ABHD12: variants seen among roughly 807,000 people sequenced by gnomAD.
The protein encoded by ABHD12 is lysophosphatidylserine lipase ABHD12.
Under a neutral mutation model 58.3 loss-of-function variants are expected in ABHD12, and 43 were observed. That is an observed-to-expected ratio of 0.74 (90% CI 0.58 to 0.95). ABHD12 has a LOEUF of 0.95. Ranked by LOEUF, ABHD12 falls within the 40% of genes least tolerant of loss-of-function variation. The pLI is 0.00. For synonymous variants in ABHD12, 219 were observed against 211.2 expected (o/e 1.04, Z -0.32); for missense variants, 539 against 537.2 (o/e 1.00, Z -0.03).
Position 25,365,382 on chromosome 20 carries a change from A to AT in ABHD12, c.191+25130dup, listed in dbSNP as rs796400601. Among the ~76,000 whole-genome samples, 8 of 151,406 alleles carry AT rather than the reference A, an allele frequency of 5.3e-5. No homozygotes were observed. In the South Asian group the frequency reaches 6.3e-4, roughly 12 times the overall value. ...GTATTGTAAACTGTTTTACACCTTG[A>AT]TTTTTTTTTCTATCAACAAGATATC... On this transcript the variant is annotated intron_variant, in intron 1 of 12. Transcript: ENST00000339157.
At chr20:25,323,499 G>A in intron 2 of ABHD12, 69 bp from the exon 3 acceptor site, 1 of 977,252 alleles carries the variant, frequency 1.0e-6, no homozygotes, top group Non-Finnish European at 1.7e-6. Context: ...ACACAAACAT[G>A]CATACTCACA....
At chr20:25,295,587 C>A (rs2088528841), downstream of ABHD12, 2 of 1,612,564 alleles carry the variant, frequency 1.2e-6, no homozygotes, top group East Asian at 2.2e-5. Context: ...GGCCCAGCCT[C>A]CTTTCTCCCA....
chr20:25,323,867 G>A (rs961753856), intron 2 of ABHD12, among the ~76,000 whole-genome samples: 3 of 152,228 alleles, frequency 2.0e-5, no homozygotes, highest in African/African-American at 7.2e-5. Flanking sequence ...GCCTGGTGGA[G>A]TGGGAAGGAC....
At chr20:25,358,437 C>T (rs938368689) in intron 1 of ABHD12, among the ~76,000 whole-genome samples, 1 of 152,200 alleles carries the variant, frequency 6.6e-6, no homozygotes, top group South Asian at 2.1e-4. Context: ...TACCATTCCA[C>T]CAACTGTTGG....
At chr20:25,386,353 G>C (rs1304181876) in intron 1 of ABHD12, among the ~76,000 whole-genome samples, 2 of 150,058 alleles carry the variant, frequency 1.3e-5, no homozygotes. Flanking sequence ...CCACCTCCCG[G>C]ATTCATGCCA....
chr20:25,299,248 T>C (rs1262727020), downstream of ABHD12, among the ~76,000 whole-genome samples: 2 of 151,940 alleles, frequency 1.3e-5, no homozygotes, highest in East Asian at 3.9e-4. Flanking sequence ...CATACAAGAA[T>C]TAGCTGGGCG....
At chr20:25,386,427 T>G (rs1026166734) in intron 1 of ABHD12, among the ~76,000 whole-genome samples, 1 of 151,346 alleles carries the variant, frequency 6.6e-6, no homozygotes, top group African/African-American at 2.4e-5. Context: ...CCTGGCTAAT[T>G]TTTTTTGTAT....
intron 1 of ABHD12, chr20:25,368,243 T>C: frequency 6.8e-7 from 1 of 1,465,138 alleles, no homozygotes; most frequent in Non-Finnish European, 9.4e-7. Context: ...AGGAATGGTC[T>C]GGTGGTTAAG....
chr20:25,300,936 C>A (rs1463524735), intron 12 of ABHD12, 52 bp from the exon 13 acceptor site: 1 of 1,579,430 alleles, frequency 6.3e-7, no homozygotes, highest in Admixed American at 1.7e-5. Flanking sequence ...ACCAAAGATC[C>A]TTCTCCACAG....
chr20:25,351,823 C>T (rs962670746), intron 1 of ABHD12, among the ~76,000 whole-genome samples: 20 of 151,982 alleles, frequency 1.3e-4, no homozygotes, highest in Non-Finnish European at 2.1e-4. Context: ...ACTGCTTGAA[C>T]TCAGGGGGTG....
At chr20:25,315,855 G>C (rs1004789313) in intron 5 of ABHD12, among the ~76,000 whole-genome samples, 4 of 152,238 alleles carry the variant, frequency 2.6e-5, no homozygotes, top group African/African-American at 9.6e-5. Flanking sequence ...CCCTGCCTCT[G>C]TCTGTGTTCC....
chr20:25,356,410 T>G (rs1225120789), intron 1 of ABHD12, among the ~76,000 whole-genome samples: 1 of 152,248 alleles, frequency 6.6e-6, no homozygotes, highest in Non-Finnish European at 1.5e-5. Context: ...GCGCTGCTCT[T>G]GCACACTTTC....
rs2088678055 is a variant in ABHD12, at chr20:25,303,532, G to A, written c.1029+18C>T. Reference sequence around the variant, plus strand: ...GTGCAAGATGCCAGCTACACCAGAGGCAGAGGCCAGGACCCACCTTTCTGC... The same window carrying A: ...GTGCAAGATGCCAGCTACACCAGAGACAGAGGCCAGGACCCACCTTTCTGC... On this transcript the variant is annotated intron_variant, in intron 11 of 12. Transcript: ENST00000339157. 1 of 1,612,730 alleles carries A rather than the reference G, an allele frequency of 6.2e-7. No individual in the cohort carries two copies. Among genetic ancestry groups the A allele is most frequent in the Non-Finnish European group, 8.5e-7 (1 of 1,179,730 alleles).
At chr20:25,362,593 C>CAGGGG (rs893449758) in intron 1 of ABHD12, among the ~76,000 whole-genome samples, 3 of 21,600 alleles carry the variant, frequency 1.4e-4, no homozygotes, top group East Asian at 1.7e-3. Context: ...CAGGGGAGGA[C>CAGGGG]AGGGGAGGGG....
intron 5 of ABHD12, among the ~76,000 whole-genome samples, chr20:25,315,851 CTCTG>C (rs1274807657): frequency 6.6e-6 from 1 of 152,240 alleles, no homozygotes; most frequent in Non-Finnish European, 1.5e-5. Flanking sequence ...GTGCCCCTGC[CTCTG>C]TCTGTGTTCC....
chr20:25,297,027 C>T (rs200220651), downstream of ABHD12: 9 of 163,004 alleles, frequency 5.5e-5, no homozygotes, highest in Admixed American at 5.6e-5. Context: ...CTGGCCATGC[C>T]GGGAGGGGTC....
intron 2 of ABHD12, among the ~76,000 whole-genome samples, chr20:25,328,293 C>T (rs1257181169): frequency 2.0e-5 from 3 of 152,208 alleles, no homozygotes; most frequent in Non-Finnish European, 4.4e-5. Flanking sequence ...TCACCACACA[C>T]TTTGGGAGCC....
At chr20:25,328,938 C>T (rs1045874003) in intron 2 of ABHD12, among the ~76,000 whole-genome samples, 4 of 152,174 alleles carry the variant, frequency 2.6e-5, no homozygotes, top group Non-Finnish European at 4.4e-5. Context: ...GTAGGAACCC[C>T]GTGGCCAGTA....
intron 9 of ABHD12, among the ~76,000 whole-genome samples, chr20:25,307,716 G>A (rs1471229692): frequency 1.3e-5 from 2 of 152,244 alleles, no homozygotes; most frequent in Non-Finnish European, 2.9e-5. Flanking sequence ...GACACCACGT[G>A]AGCCCGGCCT....
Sources: allele counts gnomAD v4.1 joint callset (sites outside exome capture counted in the v4.1 genomes callset), GRCh38; gene constraint gnomAD v4.1.1; transcripts MANE v1.5; gene names NCBI Gene and HGNC (gene_info 2026-07-23, HGNC 2026-07-21).